The following DIAPH2 variants were observed in gnomAD, a reference collection of about 807,000 sequenced individuals.
The protein encoded by DIAPH2 is diaphanous related formin 2.
A neutral mutation model predicts 92.7 loss-of-function variants in DIAPH2; 35 were observed. That is an observed-to-expected ratio of 0.38 (90% CI 0.29 to 0.50). DIAPH2 has a LOEUF of 0.50. Among genes scored for constraint, DIAPH2 ranks in the 20% least tolerant of loss-of-function variants. The pLI is 0.94. For missense variants in DIAPH2, 701 were observed against 819.5 expected (o/e 0.86, Z 1.77); for synonymous variants, 301 against 280.4 (o/e 1.07, Z -0.73).
chrX:96,876,625 C>A (rs1324539118), intron 4 of DIAPH2, among the ~76,000 whole-genome samples: 1 of 110,973 alleles, frequency 9.0e-6, no homozygotes, highest in African/African-American at 3.3e-5. Flanking sequence ...ATGGATGAAG[C>A]TGGAAGCCAT....
chrX:97,298,610 CTTT>C (rs148604922), intron 23 of DIAPH2, among the ~76,000 whole-genome samples: 3 of 87,715 alleles, frequency 3.4e-5, no homozygotes, highest in Non-Finnish European at 2.2e-5. Flanking sequence ...ACTCTTAGTC[CTTT>C]TTTTTTTTTT....
chrX:97,072,404 CATGTATGCAA>C (rs1225837306), intron 17 of DIAPH2, among the ~76,000 whole-genome samples: 1 of 112,630 alleles, frequency 8.9e-6, no homozygotes, highest in Non-Finnish European at 1.9e-5. Context: ...TGTTTAATTA[CATGTATGCAA>C]ATGGTGCTAC....
At chrX:97,290,671 C>T (rs1227477533) in intron 23 of DIAPH2, among the ~76,000 whole-genome samples, 1 of 112,160 alleles carries the variant, frequency 8.9e-6, no homozygotes, top group African/African-American at 3.2e-5. Context: ...TGATGTGGGA[C>T]CTAAAAGATT....
intron 26 of DIAPH2, among the ~76,000 whole-genome samples, chrX:97,517,808 A>G (rs946357706): frequency 4.5e-5 from 5 of 112,016 alleles, no homozygotes; most frequent in African/African-American, 1.6e-4. Flanking sequence ...CAAAAATGCA[A>G]TTTTTCCAAA....
intron 15 of DIAPH2, among the ~76,000 whole-genome samples, chrX:96,955,405 C>G (rs780808242): frequency 5.4e-5 from 6 of 111,762 alleles, no homozygotes; most frequent in Non-Finnish European, 1.1e-4. Flanking sequence ...CGATGCAGAG[C>G]TAAACCATAT....
chrX:97,565,921 G>C (rs1006521805), intron 26 of DIAPH2, among the ~76,000 whole-genome samples: 34 of 112,025 alleles, frequency 3.0e-4, no homozygotes, highest in African/African-American at 1.1e-3. Context: ...GTGTATATTG[G>C]TGATCTTCGT....
chrX:97,257,717 G>A (rs956080794), intron 23 of DIAPH2, among the ~76,000 whole-genome samples: 3 of 111,397 alleles, frequency 2.7e-5, no homozygotes, highest in Admixed American at 9.6e-5. Flanking sequence ...CTTGGTATTT[G>A]TGAACTTAGG....
chrX:97,530,406 A>G (rs1257537746), intron 26 of DIAPH2, among the ~76,000 whole-genome samples: 1 of 111,877 alleles, frequency 8.9e-6, no homozygotes, highest in Non-Finnish European at 1.9e-5. Flanking sequence ...ACTCTTAAAG[A>G]ACCTACCCTT....
At chrX:97,461,102 G>T (rs2070454555) in intron 26 of DIAPH2, among the ~76,000 whole-genome samples, 1 of 111,499 alleles carries the variant, frequency 9.0e-6, no homozygotes, top group Non-Finnish European at 1.9e-5. Context: ...AGAAAGTAAT[G>T]GGAAGGCCCA....
intron 6 of DIAPH2, 36 bp downstream of exon 6, chrX:96,912,438 G>A: frequency 5.0e-6 from 6 of 1,198,957 alleles, no homozygotes; most frequent in Non-Finnish European, 5.6e-6. Flanking sequence ...TCACCAAAGG[G>A]AAAATGTTTC....
intron 17 of DIAPH2, among the ~76,000 whole-genome samples, chrX:97,006,609 T>C (rs904817711): frequency 1.4e-4 from 16 of 112,383 alleles, no homozygotes; most frequent in African/African-American, 4.2e-4. Context: ...ATGGAATATC[T>C]TTTTCCATCC....
chrX:96,819,410 T>A (rs750963686), intron 4 of DIAPH2, among the ~76,000 whole-genome samples: 5 of 112,663 alleles, frequency 4.4e-5, no homozygotes, highest in Admixed American at 3.8e-4. Context: ...TTCATAGTTT[T>A]GCAAAATACT....
chrX:97,111,268 A>G (rs2066978837), intron 20 of DIAPH2, among the ~76,000 whole-genome samples: 1 of 112,186 alleles, frequency 8.9e-6, no homozygotes, highest in Non-Finnish European at 1.9e-5. Flanking sequence ...AGACCAGAAA[A>G]TTAGGCAGAC....
At chrX:97,258,572 C>CA (rs1185034403) in intron 23 of DIAPH2, among the ~76,000 whole-genome samples, 2 of 97,078 alleles carry the variant, frequency 2.1e-5, no homozygotes, top group Non-Finnish European at 4.1e-5. Context: ...GACTCCGCCT[C>CA]AAAAAAAATA....
intron 26 of DIAPH2, among the ~76,000 whole-genome samples, chrX:97,594,113 T>C (rs774046542): frequency 2.9e-4 from 32 of 110,855 alleles, no homozygotes; most frequent in Non-Finnish European, 5.5e-4. Flanking sequence ...TTTAATGACA[T>C]GGAAAATTTC....
chrX:97,321,654 A>C (rs893427680), intron 23 of DIAPH2, among the ~76,000 whole-genome samples: 5 of 100,198 alleles, frequency 5.0e-5, no homozygotes, highest in African/African-American at 1.9e-4. Context: ...GGTTCATGCC[A>C]TTCTCCTGCC....
At chrX:97,175,585 T>C (rs759451791) in intron 22 of DIAPH2, among the ~76,000 whole-genome samples, 1 of 112,045 alleles carries the variant, frequency 8.9e-6, no homozygotes, top group Non-Finnish European at 1.9e-5. Flanking sequence ...AATGGCAAAC[T>C]ATATTATTTG....
chrX:97,209,965 A>T (rs2067827240), intron 22 of DIAPH2, among the ~76,000 whole-genome samples: 1 of 111,299 alleles, frequency 9.0e-6, no homozygotes, highest in African/African-American at 3.3e-5. Context: ...CACATCTGAA[A>T]CATAGTATTA....
chrX:97,268,486 C>A (rs902431886), intron 23 of DIAPH2, among the ~76,000 whole-genome samples: 1 of 112,007 alleles, frequency 8.9e-6, no homozygotes, highest in African/African-American at 3.2e-5. Flanking sequence ...TTTCTCTGGC[C>A]ACCTAAAAAC....
Sources: gnomAD v4.1 joint callset for allele counts (sites outside exome capture counted in the v4.1 genomes callset) on GRCh38, gnomAD v4.1.1 for gene constraint, MANE v1.5 for transcripts, NCBI Gene and HGNC (gene_info 2026-07-23, HGNC 2026-07-21) for gene names.